INTS6: variants seen among roughly 807,000 people sequenced by gnomAD.
INTS6 encodes DEAD box protein.
INTS6 carries 16 observed loss-of-function variants against 104.9 expected under a neutral mutation model. The ratio of observed to expected loss-of-function variants is 0.15; its 90% CI spans 0.10 to 0.23. The LOEUF (loss-of-function observed/expected upper bound fraction) is 0.23. Ranked by LOEUF, INTS6 falls within the 10% of genes least tolerant of loss-of-function variation. The pLI, the probability that INTS6 is intolerant of heterozygous loss-of-function variation, is 1.00. For synonymous variants in INTS6, 324 were observed against 358.7 expected, an observed-to-expected ratio of 0.90 and a Z score of 1.09; for missense variants, 584 against 1,062.8, an observed-to-expected ratio of 0.55 and a Z score of 6.26.
chr13:51,409,340 ACT>A (rs1356141097), intron 4 of INTS6, among the ~76,000 whole-genome samples: 2 of 149,224 alleles, frequency 1.3e-5, no homozygotes, highest in African/African-American at 4.9e-5. Flanking sequence ...TATACTAAAG[ACT>A]CTGAGTATTT....
Position 51,383,443 on chromosome 13 carries a change from C to A in INTS6, c.1066G>T (p.Ala356Ser), listed in dbSNP as rs771741458. The A allele has an allele frequency of 6.2e-7, 1 of 1,613,806 alleles. No homozygotes were observed. The highest frequency in any genetic ancestry group is 1.7e-5 in the Admixed American group (1 of 59,996). Residue 356 changes from alanine to serine, a missense_variant, in exon 9 of 18, where the codon GCA (alanine) becomes TCA (serine). Around this residue, in one of 5 missense-constraint regions of INTS6, gnomAD observed 144 missense variants for 348.7 expected, o/e 0.41. Transcript: ENST00000311234. ...TCWQVYVSNSAKYSELGHPFG... is the reference protein window; with the variant it reads ...TCWQVYVSNSSKYSELGHPFG... The stretch of plus-strand genomic sequence containing the variant: ...GGATGACCAAGTTCACTGTATTTTG[C>A]ACTATTGCTCACGTACACCTGTTAA...
At chr13:51,406,839 T>C (rs766419238) in intron 4 of INTS6, among the ~76,000 whole-genome samples, 17 of 152,146 alleles carry the variant, frequency 1.1e-4, no homozygotes, top group Non-Finnish European at 2.4e-4. Flanking sequence ...CAGTATGGTT[T>C]TGAATGTGGC....
Position 51,452,737 on chromosome 13 carries a change from C to CCCGCCT in INTS6, c.-218_-213dup, listed in dbSNP as rs1036142187. On this transcript the variant is annotated 5_prime_UTR_variant, in exon 1 of 18. Transcript: ENST00000311234. The surrounding 1 kb of genome is among the most constrained non-coding windows in gnomAD (Gnocchi z 4.2). ...CAGACCCAGTGCTCCCCGTCGTACC[C>CCCGCCT]CCGCCTCCGCCTCCTCCTGCCTGCC... 8 of 1,245,932 alleles carry CCCGCCT rather than the reference C, an allele frequency of 6.4e-6. No homozygotes were observed. The highest frequency in any genetic ancestry group is 4.5e-5 in the East Asian group (1 of 22,120). 77.2% of individuals were successfully genotyped at this position (1,245,932 alleles called of 1,614,324 possible). A position where few individuals can be genotyped will look rare whatever the true frequency, so the allele number is the denominator to read the frequency against.
At chr13:51,395,262 G>A (rs190028450) in intron 5 of INTS6, 38 bp downstream of exon 5, 1 of 1,556,574 alleles carries the variant, frequency 6.4e-7, no homozygotes, top group East Asian at 2.3e-5. Flanking sequence ...GATAAAATCT[G>A]CTTTAAGTTA....
chr13:51,445,465 C>G, intron 3 of INTS6: 1 of 152,254 alleles, frequency 6.6e-6, no homozygotes, highest in African/African-American at 2.4e-5. Context: ...ACATACTAAT[C>G]TTTTGGAGGA....
chr13:51,437,825 ATGTTGAAACAC>A (rs1011939570), intron 3 of INTS6: 2 of 152,224 alleles, frequency 1.3e-5, no homozygotes, highest in Admixed American at 6.5e-5. Context: ...CCTGGCCAAC[ATGTTGAAACAC>A]TGTCTCTACT....
chr13:51,343,590 T>C, the INTS6 span, among the ~76,000 whole-genome samples: 3 of 152,376 alleles, frequency 2.0e-5, no homozygotes, highest in African/African-American at 7.2e-5. Context: ...TCCTTGACAT[T>C]CTTGCAGCCT....
intron 15 of INTS6, among the ~76,000 whole-genome samples, chr13:51,370,638 G>A (rs1369848077): frequency 2.0e-5 from 3 of 152,192 alleles, no homozygotes; most frequent in African/African-American, 7.2e-5. Context: ...CAGTCCAATG[G>A]TGGTGGGCTG....
At chr13:51,428,906 C>T (rs1216253690) in intron 4 of INTS6, among the ~76,000 whole-genome samples, 1 of 152,108 alleles carries the variant, frequency 6.6e-6, no homozygotes, top group African/African-American at 2.4e-5. Context: ...CTCTTTTCCC[C>T]CAAATAAGAG....
At chr13:51,439,652 C>T (rs531186587) in intron 3 of INTS6, 7 of 152,298 alleles carry the variant, frequency 4.6e-5, no homozygotes, top group African/African-American at 1.2e-4. Flanking sequence ...CCATCACCAA[C>T]GTGAATTCTA....
In INTS6 at chr13:51,452,312, C is replaced by T; in HGVS notation, c.111+103G>A. 1 of 1,148,850 alleles carries T rather than the reference C, an allele frequency of 8.7e-7. No homozygotes were observed. 71.2% of individuals were successfully genotyped at this position (1,148,850 alleles called of 1,614,324 possible). On this transcript the variant is annotated intron_variant, in intron 1 of 17. Coordinates refer to ENST00000311234, the MANE Select transcript of INTS6 (RefSeq NM_012141.3). The surrounding 1 kb of genome is among the most constrained non-coding windows in gnomAD (Gnocchi z 4.2). The stretch of plus-strand genomic sequence containing the variant: ...AGGGGGTCCCCGAGCCCGGCAGCTC[C>T]CGCAGTCAGGTCCCCGACACCCCCG...
At chr13:51,425,763 T>C (rs1351687929) in intron 4 of INTS6, among the ~76,000 whole-genome samples, 1 of 151,636 alleles carries the variant, frequency 6.6e-6, no homozygotes, top group Non-Finnish European at 1.5e-5. Flanking sequence ...CTCTAATTTG[T>C]TGATTCTACC....
At chr13:51,341,095 C>T in the INTS6 span, 1 of 1,613,594 alleles carries the variant, frequency 6.2e-7, no homozygotes, top group African/African-American at 1.3e-5. Context: ...AGCCTCCATG[C>T]CGCCTTTCCT....
Position 51,366,066 on chromosome 13 carries a change from C to T in INTS6, c.2571-221G>A, listed in dbSNP as rs532954732. On this transcript the variant is annotated intron_variant, in intron 17 of 17. Coordinates refer to ENST00000311234, the MANE Select transcript of INTS6 (RefSeq NM_012141.3). ...GTCCCTAAAACACTCTAGGGCTAAA[C>T]AATGGGAAAGAGGTTGTTCCTTCCA... 4.6e-5 allele frequency among the ~76,000 whole-genome samples: 7 copies of T among 151,514 alleles called. No individual in the cohort carries two copies. The South Asian group carries it at 1.3e-3, about 27-fold the overall frequency.
intron 3 of INTS6, chr13:51,449,668 GATGAAAACCTTAAGCAGTA>G (rs1952994450): frequency 3.0e-6 from 3 of 984,816 alleles, no homozygotes; most frequent in Admixed American, 1.2e-4. Context: ...AAGAGGTAAG[GATGAAAACCTTAAGCAGTA>G]AGACTGTGTT....
At chr13:51,374,515 G>A in intron 14 of INTS6, 76 bp from the exon 15 acceptor site, 1 of 1,517,328 alleles carries the variant, frequency 6.6e-7, no homozygotes, top group Non-Finnish European at 9.1e-7. Context: ...CAATTCCAAT[G>A]AAGGTAACTA....
At chr13:51,357,103 G>A (rs1489164580), downstream of INTS6, among the ~76,000 whole-genome samples, 1 of 152,158 alleles carries the variant, frequency 6.6e-6, no homozygotes, top group Non-Finnish European at 1.5e-5. Flanking sequence ...CTGAGTAGTT[G>A]AGACAGACAC....
At chr13:51,443,312 A>G (rs1428831770) in intron 3 of INTS6, 1 of 152,170 alleles carries the variant, frequency 6.6e-6, no homozygotes, top group Non-Finnish European at 1.5e-5. Context: ...TAAAACACAG[A>G]AAGTTTAATG....
intron 13 of INTS6, among the ~76,000 whole-genome samples, chr13:51,375,475 G>GCA (rs1566208697): frequency 4.0e-5 from 3 of 75,258 alleles, no homozygotes; most frequent in African/African-American, 2.5e-4. Flanking sequence ...GTACAGTATG[G>GCA]TAAAAAAAAA....
Sources: gnomAD v4.1 joint callset for allele counts (sites outside exome capture counted in the v4.1 genomes callset) on GRCh38, gnomAD v4.1.1 for gene constraint, gnomAD v4.1.1 regional missense constraint, Gnocchi (gnomAD v3.1) non-coding constraint, MANE v1.5 for transcripts, NCBI Gene and HGNC (gene_info 2026-07-23, HGNC 2026-07-21) for gene names.